Variants in B3GALT1 observed in about 807,000 individuals in gnomAD.
B3GALT1 encodes UDP-Gal:betaGlcNAc beta 1,3-galactosyltransferase, polypeptide 1.
A neutral mutation model predicts 23.2 loss-of-function variants in B3GALT1; 10 were observed. That is an observed-to-expected ratio of 0.43 (90% confidence interval 0.27 to 0.73). The LOEUF (loss-of-function observed/expected upper bound fraction) is 0.73, where lower values mean the gene tolerates loss of function less well. Among genes scored for constraint, B3GALT1 ranks in the 30% least tolerant of loss-of-function variants. The pLI is 0.21. For synonymous variants in B3GALT1, 156 were observed against 141.5 expected, an observed-to-expected ratio of 1.10 and a Z score of -0.73; for missense variants, 299 against 405.4, an observed-to-expected ratio of 0.74 and a Z score of 2.25.
intron 1 of B3GALT1, among the ~76,000 whole-genome samples, chr2:167,411,293 A>G (rs977631892): frequency 1.3e-5 from 2 of 151,496 alleles, no homozygotes; most frequent in African/African-American, 4.8e-5. Flanking sequence ...GAATGGGAGA[A>G]AATATTTGTA....
intron 2 of B3GALT1, among the ~76,000 whole-genome samples, chr2:167,632,177 CTTTA>C: frequency 6.6e-6 from 1 of 152,202 alleles, no homozygotes. Flanking sequence ...GCCACATTTT[CTTTA>C]TCTAGTCTAT....
At chr2:167,332,026 A>G (rs542904142) in intron 1 of B3GALT1, among the ~76,000 whole-genome samples, 4 of 152,308 alleles carry the variant, frequency 2.6e-5, no homozygotes, top group Non-Finnish European at 1.5e-5. Flanking sequence ...TGTTCGCTAA[A>G]TGGTGCCATG....
intron 2 of B3GALT1, among the ~76,000 whole-genome samples, chr2:167,567,693 G>T (rs1024224823): frequency 1.3e-5 from 2 of 151,410 alleles, no homozygotes; most frequent in Non-Finnish European, 2.9e-5. Context: ...TCCCCCACCA[G>T]AATGGCACAA....
At chr2:167,565,162 T>G (rs866848548) in intron 2 of B3GALT1, among the ~76,000 whole-genome samples, 7 of 152,060 alleles carry the variant, frequency 4.6e-5, no homozygotes, top group South Asian at 2.1e-4. Flanking sequence ...AACAGAGATA[T>G]AGATCAATGG....
intron 1 of B3GALT1, among the ~76,000 whole-genome samples, chr2:167,448,695 T>G (rs1699041299): frequency 6.6e-6 from 1 of 152,164 alleles, no homozygotes; most frequent in Admixed American, 6.5e-5. Context: ...TCTAGAAGGG[T>G]TTTTCTGATG....
chr2:167,378,536 T>A lies in B3GALT1; in HGVS notation c.-511+85202T>A, dbSNP rs79123731. 5.3e-5 allele frequency among the ~76,000 whole-genome samples: 8 copies of A among 152,118 alleles called. No homozygotes were observed. The East Asian group carries it at 5.8e-4, about 11-fold the overall frequency. ...TTATTTTTTAAAATTCCTTTTTTTTTATTTTTGTCTGACTGGGTTTATTCA... is the reference window on the plus strand; with the variant it reads ...TTATTTTTTAAAATTCCTTTTTTTTAATTTTTGTCTGACTGGGTTTATTCA... On this transcript the variant is annotated intron_variant, in intron 1 of 4. Transcript: ENST00000392690.
intron 2 of B3GALT1, among the ~76,000 whole-genome samples, chr2:167,616,661 C>T (rs578154817): frequency 1.2e-4 from 19 of 152,140 alleles, no homozygotes; most frequent in South Asian, 4.2e-4. Context: ...CGCCATTACA[C>T]TACAGTCTGG....
intron 1 of B3GALT1, among the ~76,000 whole-genome samples, chr2:167,443,603 A>C (rs567334738): frequency 0.017 from 2,640 of 152,076 alleles, 84 homozygotes; most frequent in African/African-American, 0.061. Context: ...TGTAAGTTGG[A>C]TTCCTAGGTA....
intron 2 of B3GALT1, among the ~76,000 whole-genome samples, chr2:167,500,077 G>A (rs139236510): frequency 6.6e-6 from 1 of 152,102 alleles, no homozygotes; most frequent in East Asian, 1.9e-4. Context: ...CACCTTCTTG[G>A]TTCTGAATTT....
intron 4 of B3GALT1, among the ~76,000 whole-genome samples, chr2:167,859,029 G>C (rs1229811004): frequency 6.6e-6 from 1 of 151,938 alleles, no homozygotes; most frequent in Non-Finnish European, 1.5e-5. Context: ...TACTCTTTTT[G>C]TTATCACATA....
At chr2:167,814,469 G>A (rs1212650704) in intron 3 of B3GALT1, among the ~76,000 whole-genome samples, 1 of 152,162 alleles carries the variant, frequency 6.6e-6, no homozygotes, top group Non-Finnish European at 1.5e-5. Flanking sequence ...TAACAATTAA[G>A]AATTTACTGG....
chr2:167,707,305 T>G (rs1686979788), intron 3 of B3GALT1, among the ~76,000 whole-genome samples: 2 of 152,088 alleles, frequency 1.3e-5, no homozygotes, highest in African/African-American at 4.8e-5. Context: ...AATTTTGGGG[T>G]GGTTTATTAT....
chr2:167,436,125 C>G (rs1381317489), intron 1 of B3GALT1, among the ~76,000 whole-genome samples: 2 of 152,126 alleles, frequency 1.3e-5, no homozygotes, highest in Non-Finnish European at 2.9e-5. Flanking sequence ...GAAAACAACT[C>G]ATGTAACATC....
chr2:167,406,164 T>C (rs934561589), intron 1 of B3GALT1, among the ~76,000 whole-genome samples: 2 of 152,044 alleles, frequency 1.3e-5, no homozygotes, highest in East Asian at 3.9e-4. Context: ...AGCAATTCCA[T>C]AGAGATTGTA....
intron 1 of B3GALT1, among the ~76,000 whole-genome samples, chr2:167,327,855 G>C (rs1696918472): frequency 6.6e-6 from 1 of 152,068 alleles, no homozygotes; most frequent in African/African-American, 2.4e-5. Flanking sequence ...GTTAGCTGTG[G>C]GTTTGTCATA....
chr2:167,513,267 C>G (rs1558888284), intron 2 of B3GALT1, among the ~76,000 whole-genome samples: 1 of 151,970 alleles, frequency 6.6e-6, no homozygotes, highest in Non-Finnish European at 1.5e-5. Flanking sequence ...CTTCACCTAA[C>G]ATGGAGAATG....
At chr2:167,864,192 T>C (rs1020443933) in intron 4 of B3GALT1, among the ~76,000 whole-genome samples, 1 of 152,176 alleles carries the variant, frequency 6.6e-6, no homozygotes, top group African/African-American at 2.4e-5. Context: ...AGAATTGATA[T>C]AGCACAGTGT....
intron 3 of B3GALT1, among the ~76,000 whole-genome samples, chr2:167,803,450 A>G (rs1462895415): frequency 5.9e-5 from 9 of 152,154 alleles, no homozygotes; most frequent in African/African-American, 2.2e-4. Flanking sequence ...GTGTGGGCAT[A>G]TGTGGAGTTT....
At chr2:167,503,050 T>A (rs1267639255) in intron 2 of B3GALT1, among the ~76,000 whole-genome samples, 1 of 151,910 alleles carries the variant, frequency 6.6e-6, no homozygotes, top group Admixed American at 6.6e-5. Flanking sequence ...AAAAAATATA[T>A]ATAAAAATAA....
Sources: gnomAD v4.1 joint callset for allele counts (sites outside exome capture counted in the v4.1 genomes callset) on GRCh38, gnomAD v4.1.1 for gene constraint, MANE v1.5 for transcripts, NCBI Gene and HGNC (gene_info 2026-07-23, HGNC 2026-07-21) for gene names.